Variants in RGL1 observed in about 807,000 individuals in gnomAD.
RGL1 encodes ral guanine nucleotide dissociation stimulator like 1, also known as ral guanine nucleotide dissociation stimulator-like 1.
In RGL1, 24 loss-of-function variants were observed where a neutral mutation model predicts 95.2. That is an observed-to-expected ratio of 0.25 (90% CI 0.18 to 0.35). RGL1 has a LOEUF of 0.35. Among genes scored for constraint, RGL1 ranks in the 10% least tolerant of loss-of-function variants. The pLI, the probability that RGL1 is intolerant of heterozygous loss-of-function variation, is 1.00. For synonymous variants in RGL1, 329 were observed against 344.9 expected, an observed-to-expected ratio of 0.95 and a Z score of 0.51; for missense variants, 715 against 936.3, an observed-to-expected ratio of 0.76 and a Z score of 3.08.
At chr1:183,805,114 C>G (rs1417015802), upstream of RGL1, 1 of 641,222 alleles carries the variant, frequency 1.6e-6, no homozygotes, top group Non-Finnish European at 2.3e-6. Context: ...TCGCCGCGCT[C>G]CCTTTGTGGC....
At chr1:183,649,854 C>G (rs1650587848) in intron 1 of RGL1, among the ~76,000 whole-genome samples, 1 of 152,200 alleles carries the variant, frequency 6.6e-6, no homozygotes, top group South Asian at 2.1e-4. Flanking sequence ...CTCTGTTGCT[C>G]AGATTGCAGT....
At chr1:183,831,213 A>G (rs57373266) in intron 2 of RGL1, among the ~76,000 whole-genome samples, 23,124 of 152,180 alleles carry the variant, frequency 0.15, 2,491 homozygotes, top group African/African-American at 0.29. Context: ...GTACTGCCCA[A>G]TGAAAAGAAG....
At chr1:183,820,770 C>T (rs1366913063) in intron 2 of RGL1, among the ~76,000 whole-genome samples, 1 of 152,146 alleles carries the variant, frequency 6.6e-6, no homozygotes, top group African/African-American at 2.4e-5. Context: ...CTATAGTGAT[C>T]ACATGTTAAA....
At chr1:183,692,063 AT>A (rs1246175204) in intron 1 of RGL1, among the ~76,000 whole-genome samples, 1 of 150,772 alleles carries the variant, frequency 6.6e-6, no homozygotes, top group Non-Finnish European at 1.5e-5. Context: ...TAATATATAT[AT>A]TATTACATTA....
At chr1:183,681,487 G>T (rs555925266) in intron 1 of RGL1, among the ~76,000 whole-genome samples, 1 of 152,292 alleles carries the variant, frequency 6.6e-6, no homozygotes, top group East Asian at 1.9e-4. Flanking sequence ...TTATTAATTT[G>T]CATATGTTGA....
At chr1:183,841,850 G>A (rs2500104) in intron 2 of RGL1, among the ~76,000 whole-genome samples, 121,234 of 152,092 alleles carry the variant, frequency 0.8, 48,483 homozygotes, top group Middle Eastern at 0.88. Flanking sequence ...TCTTAAAACC[G>A]AAATTCAAAG....
chr1:183,883,640 G>C, intron 5 of RGL1, 146 bp from the exon 6 acceptor site: 1 of 752,442 alleles, frequency 1.3e-6, no homozygotes, highest in Non-Finnish European at 2.2e-6. Flanking sequence ...ATTGTTCTCA[G>C]ATGCATTGTG....
At chr1:183,836,969 T>A (rs890572385) in intron 2 of RGL1, among the ~76,000 whole-genome samples, 1 of 152,174 alleles carries the variant, frequency 6.6e-6, no homozygotes, top group African/African-American at 2.4e-5. Context: ...ATTACAATAA[T>A]AGGTAATCAT....
intron 2 of RGL1, among the ~76,000 whole-genome samples, chr1:183,778,751 T>A (rs1257342469): frequency 6.6e-6 from 1 of 152,146 alleles, no homozygotes; most frequent in Admixed American, 6.5e-5. Flanking sequence ...AGGTTTTGGA[T>A]CAAAATATAC....
At chr1:183,847,486 G>A in intron 2 of RGL1, 80 bp from the exon 3 acceptor site, 4 of 1,120,332 alleles carry the variant, frequency 3.6e-6, no homozygotes, top group Non-Finnish European at 5.3e-6. Flanking sequence ...AACAGGCTAT[G>A]GCCTTCAACT....
intron 1 of RGL1, among the ~76,000 whole-genome samples, chr1:183,726,296 TAAATG>T (rs972052557): frequency 6.6e-6 from 1 of 151,502 alleles, no homozygotes; most frequent in African/African-American, 2.4e-5. Flanking sequence ...AGAAGAGAAA[TAAATG>T]AAATAGAGAA....
chr1:183,749,414 C>G (rs1296199876), intron 2 of RGL1, among the ~76,000 whole-genome samples: 1 of 151,958 alleles, frequency 6.6e-6, no homozygotes, highest in East Asian at 1.9e-4. Context: ...GGTTTAAAGT[C>G]TGTTTTATTA....
chr1:183,674,381 T>G (rs1321339312), intron 1 of RGL1, among the ~76,000 whole-genome samples: 1 of 152,226 alleles, frequency 6.6e-6, no homozygotes, highest in Non-Finnish European at 1.5e-5. Flanking sequence ...GATACACTTT[T>G]GTTTTTTTTA....
chr1:183,924,415 A>G (rs1669492085), intron 17 of RGL1, among the ~76,000 whole-genome samples: 1 of 152,148 alleles, frequency 6.6e-6, no homozygotes, highest in Admixed American at 6.5e-5. Context: ...GAGTTGAACA[A>G]TGAGAACATG....
At chr1:183,690,465 G>A (rs1355846736) in intron 1 of RGL1, among the ~76,000 whole-genome samples, 1 of 152,082 alleles carries the variant, frequency 6.6e-6, no homozygotes. Flanking sequence ...GAGGTGAAGG[G>A]AGGAGGGAGA....
At position 183,689,926 on chromosome 1, in the gene RGL1, G is replaced by A. The variant is rs957308376; in HGVS notation, c.-32-52200G>A. Among the ~76,000 whole-genome samples the A allele has an allele frequency of 1.3e-5, 2 of 152,186 alleles. 1 individual carries two copies. The highest frequency in any genetic ancestry group is 2.9e-5 in the Non-Finnish European group (2 of 68,034). ...TCTGCTTTCAGGGGTTTACCAGTTA[G>A]GTTTAAGGGCCTAATTTACCTGTAT... On this transcript the variant is annotated intron_variant, in intron 1 of 18. Transcript: ENST00000304685.
intron 2 of RGL1, among the ~76,000 whole-genome samples, chr1:183,780,609 A>G (rs1659851566): frequency 6.6e-6 from 1 of 152,184 alleles, no homozygotes; most frequent in East Asian, 1.9e-4. Flanking sequence ...TGTTAAAGTC[A>G]TGCTTATTTT....
intron 17 of RGL1, 58 bp downstream of exon 17, chr1:183,922,394 C>A: frequency 8.2e-7 from 1 of 1,223,482 alleles, no homozygotes. Context: ...TAGCACATGT[C>A]CACAGTGCTC....
intron 7 of RGL1, among the ~76,000 whole-genome samples, chr1:183,888,115 C>T (rs1422412451): frequency 6.6e-6 from 1 of 152,138 alleles, no homozygotes; most frequent in Non-Finnish European, 1.5e-5. Flanking sequence ...ATCTAAAGTG[C>T]ATATTTTTAG....
Sources: allele counts gnomAD v4.1 joint callset (sites outside exome capture counted in the v4.1 genomes callset), GRCh38; gene constraint gnomAD v4.1.1; transcripts MANE v1.5; gene names NCBI Gene and HGNC (gene_info 2026-07-23, HGNC 2026-07-21).